The following B3GLCT variants were observed in gnomAD, a reference collection of about 807,000 sequenced individuals.
The protein encoded by B3GLCT is beta 3-glucosyltransferase.
A neutral mutation model predicts 63.4 loss-of-function variants in B3GLCT; 65 were observed. The ratio of observed to expected loss-of-function variants is 1.03; its 90% CI spans 0.84 to 1.26. The LOEUF is 1.26. Ranked by LOEUF, B3GLCT falls within the 50% of genes most tolerant of loss-of-function variation. B3GLCT has a pLI of 0.00. For missense variants in B3GLCT, 577 were observed against 604.8 expected (o/e 0.95, Z 0.48); for synonymous variants, 233 against 219.2 (o/e 1.06, Z -0.55).
intron 6 of B3GLCT, among the ~76,000 whole-genome samples, chr13:31,253,615 A>AC: frequency 7.2e-6 from 1 of 139,738 alleles, no homozygotes; most frequent in Admixed American, 7.3e-5. Context: ...AAAAAAAAAA[A>AC]AAAAAACTAG....
intron 7 of B3GLCT, among the ~76,000 whole-genome samples, chr13:31,265,040 C>G (rs1872222453): frequency 6.6e-6 from 1 of 152,184 alleles, no homozygotes; most frequent in African/African-American, 2.4e-5. Context: ...ACAATAAGGG[C>G]TACATATTTC....
chr13:31,308,747 A>G (rs1205015369), intron 12 of B3GLCT, among the ~76,000 whole-genome samples: 4 of 152,232 alleles, frequency 2.6e-5, no homozygotes, highest in Non-Finnish European at 4.4e-5. Flanking sequence ...TTTACACCAT[A>G]CCCTCTAGTT....
intron 11 of B3GLCT, among the ~76,000 whole-genome samples, 153 bp from the exon 12 acceptor site, chr13:31,286,567 A>G (rs1213117262): frequency 6.6e-6 from 1 of 152,224 alleles, no homozygotes; most frequent in Non-Finnish European, 1.5e-5. Flanking sequence ...TGTCTGTGAA[A>G]ATTAGAGAAG....
chr13:31,248,592 G>A (rs992113739), intron 6 of B3GLCT, among the ~76,000 whole-genome samples: 2 of 152,180 alleles, frequency 1.3e-5, no homozygotes, highest in Non-Finnish European at 2.9e-5. Context: ...GTAGGAGTTA[G>A]CAAGAGAGAA....
chr13:31,324,705 T>A (rs1402072289), intron 14 of B3GLCT, among the ~76,000 whole-genome samples: 3 of 152,208 alleles, frequency 2.0e-5, no homozygotes, highest in Admixed American at 6.5e-5. Context: ...AAAATACTTT[T>A]TTTATGCCTT....
At chr13:31,204,049 C>T (rs1868813842) in intron 1 of B3GLCT, among the ~76,000 whole-genome samples, 1 of 152,194 alleles carries the variant, frequency 6.6e-6, no homozygotes, top group Non-Finnish European at 1.5e-5. Context: ...CCTTGGGGAG[C>T]TTGCAGCCCG....
chr13:31,258,431 A>C (rs1871850246), intron 6 of B3GLCT, among the ~76,000 whole-genome samples: 1 of 151,976 alleles, frequency 6.6e-6, no homozygotes, highest in African/African-American at 2.4e-5. Flanking sequence ...TTCTCTCCAT[A>C]TTTAATACTA....
intron 14 of B3GLCT, among the ~76,000 whole-genome samples, chr13:31,327,284 G>A (rs1279474678): frequency 2.6e-5 from 4 of 152,092 alleles, no homozygotes; most frequent in African/African-American, 9.7e-5. Context: ...GTAAAATAAG[G>A]GTTCCTTGAA....
intron 12 of B3GLCT, among the ~76,000 whole-genome samples, chr13:31,289,578 G>A (rs1478711478): frequency 6.6e-6 from 1 of 151,520 alleles, no homozygotes; most frequent in East Asian, 1.9e-4. Context: ...AACCTTATAG[G>A]CCAAAGAGAA....
At chr13:31,282,287 G>A (rs912457410) in intron 10 of B3GLCT, among the ~76,000 whole-genome samples, 2 of 152,086 alleles carry the variant, frequency 1.3e-5, no homozygotes, top group Admixed American at 1.3e-4. Flanking sequence ...ATCAACCCTG[G>A]TTGAAAATAA....
chr13:31,235,654 T>A (rs1471160242), intron 4 of B3GLCT, among the ~76,000 whole-genome samples: 1 of 152,192 alleles, frequency 6.6e-6, no homozygotes, highest in African/African-American at 2.4e-5. Context: ...GCTTCGTTGT[T>A]GCTGGCACCA....
In B3GLCT at chr13:31,260,951, GT is replaced by G. The variant is rs1275710971; in HGVS notation, c.470del (p.Leu157TrpfsTer12). On this transcript the variant is annotated frameshift_variant, in exon 7 of 15. Coordinates refer to ENST00000343307, the MANE Select transcript of B3GLCT (RefSeq NM_194318.4). LOFTEE classifies it high-confidence loss of function. Reference protein sequence around the residue: ...LRRYDPSKEWFLGKALHDEEA... With the variant: ...LRRYDPSKEWXLGKALHDEEA... ...GTTATATCTTTATTTAACAGGAATG[GT>G]TTTTGGGAAAAGCATTACATGATGA... The G allele has an allele frequency of 1.2e-6, 2 of 1,613,380 alleles. No individual in the cohort carries two copies. The highest frequency in any genetic ancestry group is 1.7e-6 in the Non-Finnish European group (2 of 1,179,486).
At chr13:31,326,091 A>T (rs1875589666) in intron 14 of B3GLCT, among the ~76,000 whole-genome samples, 1 of 152,142 alleles carries the variant, frequency 6.6e-6, no homozygotes, top group African/African-American at 2.4e-5. Context: ...AAATTTCCCG[A>T]AAAGTTTTAG....
chr13:31,216,606 G>A (rs1340433053), intron 2 of B3GLCT, among the ~76,000 whole-genome samples: 4 of 152,214 alleles, frequency 2.6e-5, no homozygotes, highest in Middle Eastern at 3.4e-3. Context: ...CCTCCCACCC[G>A]CCACTCTCAA....
chr13:31,217,563 A>G (rs934364347), intron 2 of B3GLCT, among the ~76,000 whole-genome samples: 1 of 152,128 alleles, frequency 6.6e-6, no homozygotes, highest in African/African-American at 2.4e-5. Context: ...TAGGGCTTTT[A>G]TAGTTTTAGG....
At chr13:31,209,484 C>T (rs1170303200) in intron 1 of B3GLCT, among the ~76,000 whole-genome samples, 1 of 152,118 alleles carries the variant, frequency 6.6e-6, no homozygotes, top group Non-Finnish European at 1.5e-5. Context: ...AAGTGAAGCC[C>T]CAAAGGCTTC....
At chr13:31,250,253 A>T (rs1282052957) in intron 6 of B3GLCT, among the ~76,000 whole-genome samples, 2 of 152,174 alleles carry the variant, frequency 1.3e-5, no homozygotes, top group Admixed American at 6.5e-5. Context: ...GGCTCACTGC[A>T]ACCTCCACCT....
chr13:31,226,875 C>A (rs1307738155), intron 3 of B3GLCT, among the ~76,000 whole-genome samples: 1 of 152,032 alleles, frequency 6.6e-6, no homozygotes, highest in Non-Finnish European at 1.5e-5. Context: ...TAAAATATCA[C>A]CTAGATTAAG....
chr13:31,323,859 G>C lies in B3GLCT; in HGVS notation c.1293G>C (p.Leu431Phe). Residue 431 changes from leucine to phenylalanine, a missense_variant, in exon 14 of 15, where the codon TTG (leucine) becomes TTC (phenylalanine). By Grantham distance (22) the Leu-to-Phe change is conservative. Coordinates refer to ENST00000343307, the MANE Select transcript of B3GLCT (RefSeq NM_194318.4). ...TCCTGGGAATGTGCTTTAGTGGCTTGGGAATCCCTGTGACACACAGCCCTC... is the reference window on the plus strand; with the variant it reads ...TCCTGGGAATGTGCTTTAGTGGCTTCGGAATCCCTGTGACACACAGCCCTC... ...DMVLGMCFSGLGIPVTHSPLF... is the reference protein window; with the variant it reads ...DMVLGMCFSGFGIPVTHSPLF... 1.2e-6 allele frequency: 2 copies of C among 1,609,336 alleles called. No homozygotes were observed. Among genetic ancestry groups the C allele is most frequent in the Non-Finnish European group, 1.7e-6 (2 of 1,178,902 alleles).
Sources: allele counts gnomAD v4.1 joint callset (sites outside exome capture counted in the v4.1 genomes callset), GRCh38; gene constraint gnomAD v4.1.1; transcripts MANE v1.5; gene names NCBI Gene and HGNC (gene_info 2026-07-23, HGNC 2026-07-21).